The following UNC5D variants were observed in gnomAD, a reference collection of about 807,000 sequenced individuals.
The protein encoded by UNC5D is netrin receptor UNC5D.
Under a neutral mutation model 105.4 loss-of-function variants are expected in UNC5D, and 39 were observed. The ratio of observed to expected loss-of-function variants is 0.37; its 90% confidence interval spans 0.29 to 0.48. The LOEUF is 0.48. Among genes scored for constraint, UNC5D ranks in the 20% least tolerant of loss-of-function variants. UNC5D has a pLI of 0.98. For missense variants in UNC5D, 991 were observed against 1,202.4 expected (o/e 0.82, Z 2.60); for synonymous variants, 452 against 450.4 (o/e 1.00, Z -0.04).
At position 35,380,102 on chromosome 8, in the gene UNC5D, GGAGAGAGA is replaced by G. The variant is rs375585779; in HGVS notation, c.103+144230_103+144237del. Among the ~76,000 whole-genome samples the G allele has an allele frequency of 1.6e-3, 184 of 113,966 alleles. 1 individual carries two copies. Among genetic ancestry groups the G allele is most frequent in the African/African-American group, 6.1e-3 (170 of 27,918 alleles). The allele number at this position is 113,966 out of a possible 152,430, so 74.8% of individuals were successfully genotyped here. On this transcript the variant is annotated intron_variant, in intron 1 of 16. Coordinates refer to ENST00000404895, the MANE Select transcript of UNC5D (RefSeq NM_080872.4). ...TAATTGGGGGTGGGGGGGGGGTCGG[GGAGAGAGA>G]GAGAGAGAGAGAGACACCGAGAGAG...
intron 1 of UNC5D, among the ~76,000 whole-genome samples, chr8:35,295,776 C>T (rs1396368145): frequency 6.6e-6 from 1 of 152,172 alleles, no homozygotes; most frequent in Non-Finnish European, 1.5e-5. Flanking sequence ...CATTAGCTCT[C>T]CAGAACTTCA....
intron 3 of UNC5D, among the ~76,000 whole-genome samples, chr8:35,572,052 C>T (rs564795396): frequency 2.1e-4 from 32 of 152,038 alleles, no homozygotes; most frequent in Admixed American, 1.3e-3. Context: ...TTTGGAAGGC[C>T]GAGGCAGGTG....
intron 1 of UNC5D, among the ~76,000 whole-genome samples, chr8:35,267,732 C>T (rs187930987): frequency 6.0e-4 from 91 of 152,300 alleles, no homozygotes; most frequent in African/African-American, 2.0e-3. Context: ...CCACTGCACC[C>T]GGCCTGACCA....
chr8:35,438,059 T>C (rs1300761321), intron 1 of UNC5D, among the ~76,000 whole-genome samples: 2 of 151,884 alleles, frequency 1.3e-5, no homozygotes, highest in Non-Finnish European at 2.9e-5. Flanking sequence ...GTTTTAAATC[T>C]ATTTGGAAGC....
intron 4 of UNC5D, among the ~76,000 whole-genome samples, chr8:35,606,128 C>A (rs1364848567): frequency 6.6e-6 from 1 of 151,892 alleles, no homozygotes; most frequent in Non-Finnish European, 1.5e-5. Context: ...GCTGGGATTA[C>A]AGGCACCCAC....
At chr8:35,377,413 C>A (rs952309577) in intron 1 of UNC5D, among the ~76,000 whole-genome samples, 3 of 152,172 alleles carry the variant, frequency 2.0e-5, no homozygotes, top group African/African-American at 7.2e-5. Context: ...GCACAGCAGG[C>A]AGCACCAGGG....
intron 4 of UNC5D, among the ~76,000 whole-genome samples, chr8:35,668,094 G>A (rs1390182084): frequency 1.3e-5 from 2 of 151,940 alleles, no homozygotes; most frequent in Non-Finnish European, 1.5e-5. Context: ...TCTATACTTC[G>A]GCAAACCTTA....
At chr8:35,574,122 G>A (rs1034391272) in intron 3 of UNC5D, among the ~76,000 whole-genome samples, 6 of 152,178 alleles carry the variant, frequency 3.9e-5, no homozygotes, top group African/African-American at 1.2e-4. Flanking sequence ...TTATTTTCAT[G>A]TGTGAACATT....
At chr8:35,608,090 A>G (rs1230783526) in intron 4 of UNC5D, among the ~76,000 whole-genome samples, 1 of 152,190 alleles carries the variant, frequency 6.6e-6, no homozygotes, top group Non-Finnish European at 1.5e-5. Context: ...AAATAAGATC[A>G]GGTTCCCAGG....
At chr8:35,331,344 C>T (rs1810614938) in intron 1 of UNC5D, among the ~76,000 whole-genome samples, 1 of 152,158 alleles carries the variant, frequency 6.6e-6, no homozygotes, top group Non-Finnish European at 1.5e-5. Flanking sequence ...TGTCATTTCT[C>T]TCCTGGGCTT....
intron 1 of UNC5D, among the ~76,000 whole-genome samples, chr8:35,327,151 T>C (rs1193110849): frequency 2.6e-5 from 4 of 152,174 alleles, no homozygotes; most frequent in Non-Finnish European, 5.9e-5. Flanking sequence ...CTGTTAAAAT[T>C]AGATGCCCAC....
intron 1 of UNC5D, among the ~76,000 whole-genome samples, chr8:35,291,438 A>G (rs1450982050): frequency 2.0e-5 from 3 of 152,234 alleles, no homozygotes; most frequent in African/African-American, 7.2e-5. Context: ...TCAGGTTCAC[A>G]TGACATCCTT....
chr8:35,485,507 G>T (rs1224689455), intron 1 of UNC5D, among the ~76,000 whole-genome samples: 1 of 152,050 alleles, frequency 6.6e-6, no homozygotes, highest in East Asian at 1.9e-4. Context: ...TGATATGGTG[G>T]TGCAAACTGA....
Position 35,235,776 on chromosome 8 carries a change from G to A in UNC5D, c.-9G>A, listed in dbSNP as rs988121200. 8.1e-5 allele frequency: 100 copies of A among 1,229,744 alleles called. No individual in the cohort carries two copies. The highest frequency in any genetic ancestry group is 9.6e-5 in the Non-Finnish European group (95 of 985,848). 76.2% of individuals were successfully genotyped at this position (1,229,744 alleles called of 1,614,324 possible). A position where few individuals can be genotyped will look rare whatever the true frequency, so the allele number is the denominator to read the frequency against. On this transcript the variant is annotated 5_prime_UTR_variant, in exon 1 of 17. Coordinates refer to ENST00000404895, the MANE Select transcript of UNC5D (RefSeq NM_080872.4). Reference sequence around the variant, plus strand: ...AAGAAGAGCCGCCCTCCGGAACGCGGCGAGGAGCATGGGGAGAGCGGCGGC... The same window carrying A: ...AAGAAGAGCCGCCCTCCGGAACGCGACGAGGAGCATGGGGAGAGCGGCGGC...
intron 1 of UNC5D, among the ~76,000 whole-genome samples, chr8:35,527,048 T>A (rs1277440892): frequency 2.0e-5 from 3 of 152,158 alleles, no homozygotes; most frequent in Non-Finnish European, 2.9e-5. Context: ...AAAGATTTTT[T>A]AAAAAATGAC....
intron 11 of UNC5D, among the ~76,000 whole-genome samples, chr8:35,740,103 T>C (rs1829681267): frequency 6.6e-6 from 1 of 152,124 alleles, no homozygotes; most frequent in African/African-American, 2.4e-5. Context: ...GAGACAATAG[T>C]GGATCAGGAG....
intron 7 of UNC5D, among the ~76,000 whole-genome samples, chr8:35,696,160 G>T (rs1373222982): frequency 6.6e-6 from 1 of 151,972 alleles, no homozygotes; most frequent in African/African-American, 2.4e-5. Flanking sequence ...TAGATTCCGG[G>T]ATTACTGTTC....
intron 4 of UNC5D, among the ~76,000 whole-genome samples, chr8:35,676,839 G>A (rs760854606): frequency 7.2e-5 from 11 of 151,996 alleles, no homozygotes; most frequent in South Asian, 2.1e-4. Flanking sequence ...ACCAGGGGTC[G>A]GAAGTCTGGT....
At chr8:35,491,468 A>C (rs1301247264) in intron 1 of UNC5D, among the ~76,000 whole-genome samples, 6 of 152,224 alleles carry the variant, frequency 3.9e-5, no homozygotes, top group African/African-American at 1.2e-4. Context: ...CTAGATTACT[A>C]CATCACCATT....
Sources: gnomAD v4.1 joint callset for allele counts (sites outside exome capture counted in the v4.1 genomes callset) on GRCh38, gnomAD v4.1.1 for gene constraint, MANE v1.5 for transcripts, NCBI Gene and HGNC (gene_info 2026-07-23, HGNC 2026-07-21) for gene names.